The following HTD2 variants were observed in gnomAD, a reference collection of about 807,000 sequenced individuals.
HTD2 encodes the protein hydroxyacyl-thioester dehydratase type 2.
HTD2 carries 1 observed loss-of-function variant against 3.1 expected under a neutral mutation model. The observed-to-expected ratio is 0.32, with a 90% CI of 0.11 to 1.52. The LOEUF (loss-of-function observed/expected upper bound fraction) is 1.52, where lower values mean the gene tolerates loss of function less well. HTD2 is among the 40% of genes most tolerant of loss of function. The pLI is 0.39. For synonymous variants in HTD2, 50 were observed against 28.9 expected, an observed-to-expected ratio of 1.73 and a Z score of -2.34; for missense variants, 150 against 79.6, an observed-to-expected ratio of 1.88 and a Z score of -3.36.
At chr3:58,309,819 G>A (rs998884790) in intron 1 of HTD2, among the ~76,000 whole-genome samples, 1 of 151,830 alleles carries the variant, frequency 6.6e-6, no homozygotes, top group Non-Finnish European at 1.5e-5. Flanking sequence ...TTGAATCCGC[G>A]AGGCAGAGGT....
At chr3:58,315,260 A>C (rs1246717746) in intron 2 of HTD2, among the ~76,000 whole-genome samples, 1 of 152,288 alleles carries the variant, frequency 6.6e-6, no homozygotes, top group African/African-American at 2.4e-5. Flanking sequence ...CCAGAGAATT[A>C]TGCTGAGCGA....
intron 1 of HTD2, among the ~76,000 whole-genome samples, chr3:58,308,351 A>C (rs2097477985): frequency 6.6e-6 from 1 of 152,044 alleles, no homozygotes; most frequent in Non-Finnish European, 1.5e-5. Context: ...TGGTACAATC[A>C]CAGTGCACTG....
chr3:58,313,625 C>T (rs2107505543), intron 2 of HTD2, among the ~76,000 whole-genome samples: 1 of 152,228 alleles, frequency 6.6e-6, no homozygotes, highest in Admixed American at 6.5e-5. Flanking sequence ...GAGTTCCAGG[C>T]CAGCCTGGGT....
chr3:58,307,861 A>C (rs1249062924), intron 1 of HTD2: 2 of 142,268 alleles, frequency 1.4e-5, no homozygotes, highest in East Asian at 5.8e-4. Context: ...TGTCATTTGT[A>C]AGTCTTTTTT....
chr3:58,308,764 G>A (rs1207815464), intron 1 of HTD2, among the ~76,000 whole-genome samples: 3 of 151,404 alleles, frequency 2.0e-5, no homozygotes, highest in Non-Finnish European at 4.4e-5. Flanking sequence ...TCCCTGTAGT[G>A]GGGGATCCAT....
At chr3:58,316,236 A>C (rs898734400) in intron 2 of HTD2, among the ~76,000 whole-genome samples, 4 of 152,244 alleles carry the variant, frequency 2.6e-5, no homozygotes, top group African/African-American at 4.8e-5. Context: ...CTGTACAAGA[A>C]AGAACATAGC....
chr3:58,308,916 A>G (rs1265974831), intron 1 of HTD2, among the ~76,000 whole-genome samples: 1 of 152,252 alleles, frequency 6.6e-6, no homozygotes, highest in African/African-American at 2.4e-5. Flanking sequence ...GAGGGAGAGC[A>G]AGGTTGGCAT....
intron 1 of HTD2, among the ~76,000 whole-genome samples, chr3:58,309,050 T>C (rs2097479007): frequency 1.3e-5 from 2 of 152,192 alleles, no homozygotes; most frequent in Admixed American, 6.5e-5. Context: ...CCCTGTGCTG[T>C]TTAAGCTCAG....
intron 1 of HTD2, among the ~76,000 whole-genome samples, chr3:58,308,768 G>C (rs551115745): frequency 1.3e-5 from 2 of 151,240 alleles, no homozygotes; most frequent in South Asian, 4.2e-4. Flanking sequence ...TGTAGTGGGG[G>C]ATCCATATAT....
chr3:58,318,016 C>T lies in HTD2; in HGVS notation c.403C>T (p.Arg135Trp), dbSNP rs1307605089. The T allele has an allele frequency of 4.3e-6, 3 of 702,750 alleles. No individual in the cohort carries two copies. Among genetic ancestry groups the T allele is most frequent in the Middle Eastern group, 2.3e-4 (1 of 4,370 alleles). The allele number at this position is 702,750 out of a possible 1,614,324, so 43.5% of individuals were successfully genotyped here. Reference protein sequence around the residue: ...LASAEVKKLKRFIAIIAVSCS... With the variant: ...LASAEVKKLKWFIAIIAVSCS... ...TTCTGCAGAAGTGAAAAAGCTGAAG[C>T]GGTTCATTGCTATTATTGCAGTGTC... is the stretch of plus-strand genomic sequence containing the variant. The change falls in exon 5 of 5, where the codon CGG (arginine) becomes TGG (tryptophan). Residue 135 changes from arginine (R) to tryptophan (W), a missense_variant. Transcript: ENST00000461393.
intron 4 of HTD2, 22 bp from the exon 5 acceptor site, chr3:58,317,417 TA>T: frequency 6.4e-7 from 1 of 1,552,738 alleles, no homozygotes; most frequent in Non-Finnish European, 8.9e-7. Flanking sequence ...CCCAATGCCT[TA>T]ACCTTTTTCT....
intron 1 of HTD2, chr3:58,310,274 C>A: frequency 6.8e-7 from 1 of 1,478,584 alleles, no homozygotes; most frequent in Non-Finnish European, 9.4e-7. Flanking sequence ...ATAGCATGTG[C>A]ATTGGTCATT....
At position 58,311,323 on chromosome 3, in the gene HTD2, T is replaced by C. The variant is rs536882414; in HGVS notation, c.-331+732T>C. ...GCACACGCTACCATGCCCAACTAAT[T>C]TTTGTATTTTTACTAGAGACAGGGT... On this transcript the variant is annotated intron_variant, in intron 2 of 4. Coordinates refer to ENST00000461393, the MANE Select transcript of HTD2 (RefSeq NM_001348712.2). 7.8e-4 allele frequency among the ~76,000 whole-genome samples: 118 copies of C among 152,246 alleles called. 3 individuals are homozygous for C. The South Asian group carries it at 0.023, about 30-fold the overall frequency.
chr3:58,318,123 TAGATGTTTTAA>T lies in HTD2; in HGVS notation c.*9_*19del, dbSNP rs2097490315. On this transcript the variant is annotated 3_prime_UTR_variant, in exon 5 of 5. Transcript: ENST00000461393. ...TTCCAGAAGCTTCCAAATCCTGAAA[TAGATGTTTTAA>T]AGATGCAACCTCAAACACCAATGCT... 1 of 633,858 alleles carries T rather than the reference TAGATGTTTTAA, an allele frequency of 1.6e-6. No homozygotes were observed. Among genetic ancestry groups the T allele is most frequent in the South Asian group, 1.8e-5 (1 of 54,830 alleles). 39.3% of individuals were successfully genotyped at this position (633,858 alleles called of 1,614,324 possible). A position where few individuals can be genotyped will look rare whatever the true frequency, so the allele number is the denominator to read the frequency against.
At chr3:58,308,858 A>C (rs1157348863) in intron 1 of HTD2, among the ~76,000 whole-genome samples, 1 of 151,796 alleles carries the variant, frequency 6.6e-6, no homozygotes, top group East Asian at 1.9e-4. Flanking sequence ...ACCTTCATGA[A>C]GAGGTGGTAT....
chr3:58,314,452 GA>G (rs1559794896), intron 2 of HTD2, among the ~76,000 whole-genome samples: 1 of 152,166 alleles, frequency 6.6e-6, no homozygotes, highest in Admixed American at 6.5e-5. Flanking sequence ...TTGCTAAAGA[GA>G]ATGTGTGGTT....
Position 58,320,094 on chromosome 3 carries a change from C to A in HTD2, c.*1974C>A, listed in dbSNP as rs1473718421. 6.6e-6 allele frequency: 1 copy of A among 151,984 alleles called. No homozygotes were observed. Among genetic ancestry groups the A allele is most frequent in the Non-Finnish European group, 1.5e-5 (1 of 68,002 alleles). The allele number at this position is 151,984 out of a possible 1,614,324, so 9.4% of individuals were successfully genotyped here. On this transcript the variant is annotated 3_prime_UTR_variant, in exon 5 of 5. Coordinates refer to ENST00000461393, the MANE Select transcript of HTD2 (RefSeq NM_001348712.2). ...ATGTATGATCCTTTGGAACTGGCTT[C>A]TTTGATATAGCATGTTTTCAGGGTT...
At chr3:58,307,001 G>T (rs932393043) in intron 1 of HTD2, among the ~76,000 whole-genome samples, 4 of 152,212 alleles carry the variant, frequency 2.6e-5, no homozygotes, top group Admixed American at 2.6e-4. Context: ...ATTGAGATTT[G>T]AGCTAAGCCA....
chr3:58,315,150 A>G (rs759760434), intron 2 of HTD2, among the ~76,000 whole-genome samples: 2 of 152,164 alleles, frequency 1.3e-5, no homozygotes, highest in Admixed American at 1.3e-4. Flanking sequence ...AACACCCCAT[A>G]TATCCTTCAA....
Sources: gnomAD v4.1 joint callset for allele counts (sites outside exome capture counted in the v4.1 genomes callset) on GRCh38, gnomAD v4.1.1 for gene constraint, MANE v1.5 for transcripts, NCBI Gene and HGNC (gene_info 2026-07-23, HGNC 2026-07-21) for gene names.